CGNL1: variants seen among roughly 807,000 people sequenced by gnomAD.
CGNL1 encodes the protein cingulin like 1.
Under a neutral mutation model 141.2 loss-of-function variants are expected in CGNL1, and 132 were observed. That is an observed-to-expected ratio of 0.93 (90% CI 0.81 to 1.08). CGNL1 has a LOEUF of 1.08. Among genes scored for constraint, CGNL1 ranks in the 50% least tolerant of loss-of-function variants. The pLI is 0.00. For synonymous variants in CGNL1, 690 were observed against 622.1 expected, an observed-to-expected ratio of 1.11 and a Z score of -1.63; for missense variants, 1,870 against 1,588.6, an observed-to-expected ratio of 1.18 and a Z score of -3.01.
At chr15:57,528,527 C>A in intron 12 of CGNL1, 127 bp from the exon 13 acceptor site, 1 of 915,204 alleles carries the variant, frequency 1.1e-6, no homozygotes, top group Non-Finnish European at 1.7e-6. Context: ...TCAAGGTCTT[C>A]TGATCTCCCA....
chr15:57,477,393 A>G (rs1281683388), intron 8 of CGNL1: 2 of 152,226 alleles, frequency 1.3e-5, no homozygotes, highest in Non-Finnish European at 2.9e-5. Flanking sequence ...TTCGTTGGAA[A>G]ACACTGGGTT....
intron 8 of CGNL1, among the ~76,000 whole-genome samples, chr15:57,491,146 C>T (rs1353746277): frequency 1.3e-5 from 2 of 152,088 alleles, no homozygotes; most frequent in East Asian, 3.9e-4. Flanking sequence ...AATAATAGAT[C>T]AGGATTAGTT....
At chr15:57,413,908 T>A (rs1372715982) in intron 1 of CGNL1, among the ~76,000 whole-genome samples, 1 of 152,190 alleles carries the variant, frequency 6.6e-6, no homozygotes, top group Non-Finnish European at 1.5e-5. Context: ...TTCAAGGAGA[T>A]GCCTCCAGAG....
rs552050471 is a variant in CGNL1 at position 57,418,726 on chromosome 15, A to G, written c.-15-19259A>G. 9.2e-5 allele frequency among the ~76,000 whole-genome samples: 14 copies of G among 152,244 alleles called. No individual in the cohort carries two copies. In the East Asian group the frequency reaches 2.5e-3, roughly 27 times the overall value. On this transcript the variant is annotated intron_variant, in intron 1 of 18. Transcript: ENST00000281282. Reference sequence around the variant, plus strand: ...TGTGATGCTGTGTGTTCACGGGCCCAGGGAGATGTTTGCCCTGTTCTTCCT... The same window carrying G: ...TGTGATGCTGTGTGTTCACGGGCCCGGGGAGATGTTTGCCCTGTTCTTCCT...
chr15:57,495,579 T>G (rs2063926217), intron 8 of CGNL1, among the ~76,000 whole-genome samples: 3 of 152,192 alleles, frequency 2.0e-5, no homozygotes, highest in Admixed American at 1.3e-4. Context: ...TGACAGTAAA[T>G]AATCAGCCCT....
Position 57,523,481 on chromosome 15 carries a change from A to G in CGNL1, c.2716-8A>G. On this transcript the variant is annotated splice_region_variant and splice_polypyrimidine_tract_variant and intron_variant, in intron 10 of 18. Transcript: ENST00000281282. ...GTGACAGCACTGTCCTTTCCCTGCC[A>G]TTTGCAGGGAAATCTGAGTCAGACT... 1 of 1,614,020 alleles carries G rather than the reference A, an allele frequency of 6.2e-7. No homozygotes were observed. Among genetic ancestry groups the G allele is most frequent in the South Asian group, 1.1e-5 (1 of 91,052 alleles).
intron 8 of CGNL1, among the ~76,000 whole-genome samples, chr15:57,482,769 C>CCTTTT (rs555630531): frequency 4.6e-5 from 7 of 151,408 alleles, no homozygotes; most frequent in African/African-American, 1.5e-4. Context: ...AGTTACTTTA[C>CCTTTT]CTTTTCTTTT....
intron 8 of CGNL1, among the ~76,000 whole-genome samples, chr15:57,504,515 A>G (rs1472788740): frequency 6.6e-6 from 1 of 152,232 alleles, no homozygotes; most frequent in African/African-American, 2.4e-5. Context: ...GTGATGTGAT[A>G]GGCTAGATGA....
Position 57,481,720 on chromosome 15 carries a change from T to A in CGNL1, c.2403+19828T>A, listed in dbSNP as rs191714681. Among the ~76,000 whole-genome samples, 456 of 151,680 alleles carry A rather than the reference T, an allele frequency of 3.0e-3. 2 individuals carry two copies. The highest frequency in any genetic ancestry group is 5.4e-3 in the Non-Finnish European group (366 of 68,004). ...GAGTGTGAATATGTTTTAATTTTTTTCTTGGATAAATATCTAGGAGTGTGA... is the reference window on the plus strand; with the variant it reads ...GAGTGTGAATATGTTTTAATTTTTTACTTGGATAAATATCTAGGAGTGTGA... On this transcript the variant is annotated intron_variant, in intron 8 of 18. Transcript: ENST00000281282.
chr15:57,509,089 C>T (rs745888852), intron 8 of CGNL1, among the ~76,000 whole-genome samples: 137 of 152,210 alleles, frequency 9.0e-4, no homozygotes, highest in African/African-American at 2.5e-3. Flanking sequence ...GAGGAAGGGA[C>T]GCATTATTGT....
chr15:57,531,888 C>T (rs2031972126), intron 14 of CGNL1, 109 bp downstream of exon 14: 1 of 689,584 alleles, frequency 1.5e-6, no homozygotes, highest in Non-Finnish European at 2.6e-6. Flanking sequence ...TTCATGCCAT[C>T]TAGAAATTGA....
chr15:57,427,482 G>T (rs995254458), intron 1 of CGNL1, among the ~76,000 whole-genome samples: 3 of 152,170 alleles, frequency 2.0e-5, no homozygotes, highest in Admixed American at 2.0e-4. Flanking sequence ...AGCTGGGAAG[G>T]CTGCATGGCA....
At chr15:57,491,953 T>C (rs1170838299) in intron 8 of CGNL1, among the ~76,000 whole-genome samples, 1 of 152,146 alleles carries the variant, frequency 6.6e-6, no homozygotes, top group Non-Finnish European at 1.5e-5. Context: ...TGAGGAGCTG[T>C]CACAGCCAAG....
Position 57,438,880 on chromosome 15 carries a change from G to T in CGNL1, c.881G>T (p.Arg294Leu), listed in dbSNP as rs781273024. Reference sequence around the variant, plus strand: ...CCCGTCCTGGATGGAGCTCGGTCCCGGAGGTCCTCCTCGTCATCCACAACT... The same window carrying T: ...CCCGTCCTGGATGGAGCTCGGTCCCTGAGGTCCTCCTCGTCATCCACAACT... ...AGPVLDGARS[R>L]RSSSSSTTPT... The change falls in exon 2 of 19, where the codon CGG becomes CTG. Residue 294 changes from arginine (R) to leucine (L), a missense_variant. By Grantham distance (102) the Arg-to-Leu change is moderately radical. Coordinates refer to ENST00000281282, the MANE Select transcript of CGNL1 (RefSeq NM_032866.5). The T allele has an allele frequency of 6.2e-7, 1 of 1,614,158 alleles. No individual in the cohort carries two copies. Among genetic ancestry groups the T allele is most frequent in the Admixed American group, 1.7e-5 (1 of 60,026 alleles).
chr15:57,429,017 A>G (rs1437146680), intron 1 of CGNL1, among the ~76,000 whole-genome samples: 1 of 150,450 alleles, frequency 6.6e-6, no homozygotes, highest in East Asian at 2.0e-4. Flanking sequence ...ACTAGGCTCC[A>G]TCTCAAAACA....
chr15:57,457,808 A>G lies in CGNL1; in HGVS notation c.2191-3872A>G, dbSNP rs149129273. Among the ~76,000 whole-genome samples the G allele has an allele frequency of 2.9e-4, 44 of 152,202 alleles. 1 individual carries two copies. The East Asian group carries it at 8.1e-3, about 28-fold the overall frequency. On this transcript the variant is annotated intron_variant, in intron 7 of 18. Coordinates refer to ENST00000281282, the MANE Select transcript of CGNL1 (RefSeq NM_032866.5). Reference sequence around the variant, plus strand: ...TGGGCTCCTCCCTCAACATGAGGGAATTATGGGAGCTACATACAATTCAAG... The same window carrying G: ...TGGGCTCCTCCCTCAACATGAGGGAGTTATGGGAGCTACATACAATTCAAG...
intron 10 of CGNL1, among the ~76,000 whole-genome samples, chr15:57,521,121 C>G (rs1413585177): frequency 2.0e-5 from 3 of 152,136 alleles, no homozygotes; most frequent in African/African-American, 7.2e-5. Context: ...CAGAGCGTTT[C>G]ACTCCTGATA....
At chr15:57,523,712 C>G (rs2031425035) in intron 11 of CGNL1, 71 bp downstream of exon 11, 1 of 1,548,332 alleles carries the variant, frequency 6.5e-7, no homozygotes. Context: ...CTCTGAGGGT[C>G]TGGTGAAAGC....
chr15:57,514,710 G>A (rs1331092549), intron 8 of CGNL1, among the ~76,000 whole-genome samples: 1 of 152,054 alleles, frequency 6.6e-6, no homozygotes, highest in Non-Finnish European at 1.5e-5. Context: ...TTGTTTCTGT[G>A]TTTTAAGAGT....
Sources: gnomAD v4.1 joint callset for allele counts (sites outside exome capture counted in the v4.1 genomes callset) on GRCh38, gnomAD v4.1.1 for gene constraint, MANE v1.5 for transcripts, NCBI Gene and HGNC (gene_info 2026-07-23, HGNC 2026-07-21) for gene names.